MAPK4: variants seen among roughly 807,000 people sequenced by gnomAD.
The protein encoded by MAPK4 is mitogen-activated protein kinase 4.
Under a neutral mutation model 47.7 loss-of-function variants are expected in MAPK4, and 22 were observed. That is an observed-to-expected ratio of 0.46 (90% confidence interval 0.33 to 0.66). The LOEUF (loss-of-function observed/expected upper bound fraction) is 0.66, where lower values mean the gene tolerates loss of function less well. MAPK4 is among the 30% of genes least tolerant of loss of function. MAPK4 has a pLI of 0.02. For synonymous variants in MAPK4, 390 were observed against 365.7 expected, an observed-to-expected ratio of 1.07 and a Z score of -0.76; for missense variants, 736 against 831.7, an observed-to-expected ratio of 0.88 and a Z score of 1.42.
upstream of MAPK4, chr18:50,560,080 G>GGGAGCCGGAGCC (rs1453103601): frequency 3.4e-5 from 5 of 148,394 alleles, no homozygotes; most frequent in Middle Eastern, 3.4e-3. Context: ...GGGCCGGGGC[G>GGGAGCCGGAGCC]GGAGCCGGAG....
rs536389282 is a variant in MAPK4, at chr18:50,664,014, G to A, written c.56G>A (p.Arg19His). The change falls in exon 2 of 6, where the codon CGC becomes CAC. Residue 19 changes from arginine (R) to histidine (H), a missense_variant. By Grantham distance (29) the Arg-to-His change is conservative. Around this residue, in one of 3 missense-constraint regions of MAPK4, gnomAD observed 327 missense variants for 395.4 expected, o/e 0.83. Coordinates refer to ENST00000400384, the MANE Select transcript of MAPK4 (RefSeq NM_002747.4). This position sits in a 1 kb window ranked among gnomAD's most constrained non-coding sequence, Gnocchi z 6.0. ...GTCTATGGGTATGACCTCGGTGGGC[G>A]CTTTGTTGACTTCCAACCCCTGGGC... ...ASVYGYDLGG[R>H]FVDFQPLGFG... The A allele has an allele frequency of 8.1e-6, 13 of 1,613,502 alleles. No homozygotes were observed. The highest frequency in any genetic ancestry group is 2.2e-5 in the East Asian group (1 of 44,886).
chr18:50,579,381 G>T (rs1269600734), intron 1 of MAPK4, among the ~76,000 whole-genome samples: 1 of 152,156 alleles, frequency 6.6e-6, no homozygotes. Flanking sequence ...CCCCCTACAT[G>T]AATATTGTTT....
At chr18:50,686,936 C>T (rs1056857025) in intron 2 of MAPK4, among the ~76,000 whole-genome samples, 1 of 152,192 alleles carries the variant, frequency 6.6e-6, no homozygotes, top group African/African-American at 2.4e-5. Flanking sequence ...CAGATGGAGA[C>T]GGCCAAGGAT....
chr18:50,703,595 T>A (rs1909901051), intron 2 of MAPK4, among the ~76,000 whole-genome samples: 1 of 152,164 alleles, frequency 6.6e-6, no homozygotes, highest in South Asian at 2.1e-4. Context: ...ATGTTTCCTC[T>A]CCCAGGTATC....
chr18:50,725,429 G>A (rs1911140152), intron 4 of MAPK4, among the ~76,000 whole-genome samples: 2 of 152,350 alleles, frequency 1.3e-5, no homozygotes, highest in African/African-American at 4.8e-5. Context: ...TTCCTCAGGA[G>A]CAGGCTCCTC....
Position 50,663,917 on chromosome 18 carries a change from G to T in MAPK4, c.-42G>T. 2 of 1,559,514 alleles carry T rather than the reference G, an allele frequency of 1.3e-6. No homozygotes were observed. Among genetic ancestry groups the T allele is most frequent in the South Asian group, 1.2e-5 (1 of 84,956 alleles). On this transcript the variant is annotated 5_prime_UTR_variant, in exon 2 of 6. Transcript: ENST00000400384. ...AGCCGAGACTTGGCCTTTCCTGACT[G>T]CCCCTGTGTTACCTGGGCAGCTCCA... is the stretch of plus-strand genomic sequence containing the variant.
chr18:50,573,211 AAAG>A (rs1419162091), intron 1 of MAPK4, among the ~76,000 whole-genome samples: 2 of 152,204 alleles, frequency 1.3e-5, no homozygotes, highest in Admixed American at 1.3e-4. Context: ...GGTGGAGAAA[AAAG>A]AAGTCACTGT....
intron 1 of MAPK4, among the ~76,000 whole-genome samples, chr18:50,591,263 C>T (rs2042434577): frequency 6.6e-6 from 1 of 152,030 alleles, no homozygotes; most frequent in South Asian, 2.1e-4. Flanking sequence ...TCTCAGGGAC[C>T]AGAGATGTAA....
chr18:50,667,682 G>A (rs1230045969), intron 2 of MAPK4, among the ~76,000 whole-genome samples: 4 of 152,192 alleles, frequency 2.6e-5, no homozygotes, highest in Non-Finnish European at 5.9e-5. Flanking sequence ...CAGGGCCAGC[G>A]ATAGGCTTAG....
chr18:50,621,089 AT>A (rs772251037), intron 1 of MAPK4, among the ~76,000 whole-genome samples: 26 of 152,156 alleles, frequency 1.7e-4, no homozygotes, highest in Non-Finnish European at 2.5e-4. Context: ...CACTCATTTA[AT>A]CCCATCAGCC....
chr18:50,577,490 G>A (rs1163425141), intron 1 of MAPK4, among the ~76,000 whole-genome samples: 1 of 152,156 alleles, frequency 6.6e-6, no homozygotes, highest in Non-Finnish European at 1.5e-5. Context: ...AGTCTAGTCT[G>A]GGAATCAGAT....
At chr18:50,657,612 T>G (rs1043815338) in intron 1 of MAPK4, among the ~76,000 whole-genome samples, 4 of 151,968 alleles carry the variant, frequency 2.6e-5, no homozygotes, top group African/African-American at 9.7e-5. Flanking sequence ...AAACTGCTGA[T>G]TGAGACCAGT....
At chr18:50,608,763 C>T (rs2042605484) in intron 1 of MAPK4, among the ~76,000 whole-genome samples, 1 of 151,184 alleles carries the variant, frequency 6.6e-6, no homozygotes. Context: ...TTGGGTGTTT[C>T]TCACAGAGGG....
At chr18:50,694,659 GTTGT>G (rs1349987534) in intron 2 of MAPK4, among the ~76,000 whole-genome samples, 2 of 152,178 alleles carry the variant, frequency 1.3e-5, no homozygotes, top group African/African-American at 2.4e-5. Flanking sequence ...CCCTCAGGAA[GTTGT>G]TTGAGTAGAG....
chr18:50,628,342 G>A (rs2042799672), intron 1 of MAPK4, among the ~76,000 whole-genome samples: 1 of 152,168 alleles, frequency 6.6e-6, no homozygotes, highest in African/African-American at 2.4e-5. Flanking sequence ...AGGCCACAGG[G>A]AGTAGAAATT....
intron 2 of MAPK4, among the ~76,000 whole-genome samples, chr18:50,700,273 G>A (rs1909717897): frequency 6.6e-6 from 1 of 152,100 alleles, no homozygotes; most frequent in Admixed American, 6.5e-5. Flanking sequence ...AATTCCAAGG[G>A]TTTAGAAGCT....
chr18:50,652,559 A>C (rs952814562), intron 1 of MAPK4, among the ~76,000 whole-genome samples: 1 of 152,182 alleles, frequency 6.6e-6, no homozygotes, highest in Non-Finnish European at 1.5e-5. Flanking sequence ...GGGTAGAAAG[A>C]AGTCAGTATT....
At chr18:50,665,141 G>A (rs79709823) in intron 2 of MAPK4, among the ~76,000 whole-genome samples, 2,425 of 152,278 alleles carry the variant, frequency 0.016, 77 homozygotes, top group African/African-American at 0.056. Context: ...GCGATTCCCC[G>A]TGGTGGGTGC....
chr18:50,599,760 A>G (rs552900412), intron 1 of MAPK4, among the ~76,000 whole-genome samples: 2 of 152,294 alleles, frequency 1.3e-5, no homozygotes, highest in East Asian at 1.9e-4. Flanking sequence ...ATTAGATACT[A>G]TAAATGTATT....
Sources: allele counts gnomAD v4.1 joint callset (sites outside exome capture counted in the v4.1 genomes callset), GRCh38; gene constraint gnomAD v4.1.1; regional missense constraint gnomAD v4.1.1; non-coding constraint Gnocchi (gnomAD v3.1); transcripts MANE v1.5; gene names NCBI Gene and HGNC (gene_info 2026-07-23, HGNC 2026-07-21).